Variants in DPP10 observed in about 807,000 individuals in gnomAD.
The protein encoded by DPP10 is inactive dipeptidyl peptidase 10.
In DPP10, 33 loss-of-function variants were observed where a neutral mutation model predicts 120.9. That is an observed-to-expected ratio of 0.27 (90% CI 0.21 to 0.37). The LOEUF is 0.37. Among genes scored for constraint, DPP10 ranks in the 10% least tolerant of loss-of-function variants. The probability of loss-of-function intolerance (pLI) is 1.00; values close to 1 mark genes in which losing one functional copy is unlikely to be tolerated. For synonymous variants in DPP10, 337 were observed against 326.1 expected (o/e 1.03, Z -0.36); for missense variants, 816 against 942.8 (o/e 0.87, Z 1.76).
chr2:115,204,518 G>A lies in DPP10; in HGVS notation c.61-104721G>A, dbSNP rs537683021. Among the ~76,000 whole-genome samples, 7 of 152,222 alleles carry A rather than the reference G, an allele frequency of 4.6e-5. No individual in the cohort carries two copies. The East Asian group carries it at 1.2e-3, about 25-fold the overall frequency. Reference sequence around the variant, plus strand: ...TGCCAGCACTTTACAAAACATTTTAGTCACAACTCTAATAGCAAAACAACC... The same window carrying A: ...TGCCAGCACTTTACAAAACATTTTAATCACAACTCTAATAGCAAAACAACC... On this transcript the variant is annotated intron_variant, in intron 1 of 25. Coordinates refer to ENST00000410059, the MANE Select transcript of DPP10 (RefSeq NM_020868.6).
Position 114,766,503 on chromosome 2 carries a change from A to AT in DPP10, c.60+323674dup, listed in dbSNP as rs1223275919. Among the ~76,000 whole-genome samples the AT allele has an allele frequency of 6.0e-4, 91 of 151,168 alleles. 1 individual carries two copies. Among genetic ancestry groups the AT allele is most frequent in the Admixed American group, 1.5e-3 (23 of 15,138 alleles). The stretch of plus-strand genomic sequence containing the variant: ...AAACCTGCCTCCTAACATTTATAGC[A>AT]TTTTTTTTTACTGGAAACAACCCAA... On this transcript the variant is annotated intron_variant, in intron 1 of 25. Transcript: ENST00000410059.
At chr2:115,189,840 C>G (rs1030748179) in intron 1 of DPP10, among the ~76,000 whole-genome samples, 4 of 152,076 alleles carry the variant, frequency 2.6e-5, no homozygotes, top group African/African-American at 7.2e-5. Context: ...AAGTAAGCAT[C>G]GAGGCTATGA....
intron 1 of DPP10, among the ~76,000 whole-genome samples, chr2:115,291,044 C>A (rs1486141092): frequency 6.6e-6 from 1 of 152,044 alleles, no homozygotes; most frequent in Non-Finnish European, 1.5e-5. Context: ...CGCTCTGTTG[C>A]CCAGGCTGGA....
Position 115,830,797 on chromosome 2 carries a change from T to TA in DPP10, c.1951-5358dup, listed in dbSNP as rs558763485. Among the ~76,000 whole-genome samples the TA allele has an allele frequency of 1.5e-3, 223 of 152,246 alleles. 1 individual carries two copies. Among genetic ancestry groups the TA allele is most frequent in the Middle Eastern group, 3.4e-3 (1 of 294 alleles). On this transcript the variant is annotated intron_variant, in intron 21 of 25. Transcript: ENST00000410059. ...ACTAAGAGAAGGCAATGTAAGGAGA[T>TA]AAGAACTATGGATATCTGGGGAAAA...
At chr2:115,638,289 A>G (rs1157449542) in intron 5 of DPP10, among the ~76,000 whole-genome samples, 1 of 152,162 alleles carries the variant, frequency 6.6e-6, no homozygotes, top group South Asian at 2.1e-4. Flanking sequence ...GGGTGATTTT[A>G]ATTCTCTAGT....
chr2:115,305,942 A>C (rs1325091514), intron 1 of DPP10, among the ~76,000 whole-genome samples: 1 of 152,070 alleles, frequency 6.6e-6, no homozygotes, highest in African/African-American at 2.4e-5. Context: ...GAGAAAGAGT[A>C]CAAGTATATT....
chr2:115,717,534 T>C (rs1302783501), intron 7 of DPP10, among the ~76,000 whole-genome samples: 2 of 152,182 alleles, frequency 1.3e-5, no homozygotes, highest in Non-Finnish European at 2.9e-5. Flanking sequence ...CTGTAAAGGA[T>C]AATTTTAACC....
chr2:114,931,133 C>T (rs556799987), intron 1 of DPP10, among the ~76,000 whole-genome samples: 1 of 152,286 alleles, frequency 6.6e-6, no homozygotes, highest in East Asian at 1.9e-4. Flanking sequence ...TCAACCCGTT[C>T]CAAAACCACT....
At chr2:114,550,907 C>A (rs767153326) in intron 1 of DPP10, among the ~76,000 whole-genome samples, 1 of 152,148 alleles carries the variant, frequency 6.6e-6, no homozygotes, top group Non-Finnish European at 1.5e-5. Flanking sequence ...TCAGATCAGA[C>A]GAGTTACTTA....
chr2:115,479,434 G>A (rs1223465180), intron 3 of DPP10, among the ~76,000 whole-genome samples: 2 of 152,078 alleles, frequency 1.3e-5, no homozygotes, highest in Middle Eastern at 3.2e-3. Context: ...ACTGTTTAAT[G>A]CGTACAGATT....
intron 1 of DPP10, among the ~76,000 whole-genome samples, chr2:115,091,052 G>A (rs185585380): frequency 1.3e-5 from 2 of 152,246 alleles, no homozygotes; most frequent in East Asian, 1.9e-4. Flanking sequence ...TCAGTTTTCA[G>A]GGTGGGATTG....
intron 1 of DPP10, among the ~76,000 whole-genome samples, chr2:115,154,037 A>C (rs2051737146): frequency 6.6e-6 from 1 of 152,238 alleles, no homozygotes. Context: ...GATGTAAAGC[A>C]AAAATAACTA....
intron 3 of DPP10, among the ~76,000 whole-genome samples, chr2:115,448,264 C>G (rs1019405116): frequency 6.6e-6 from 1 of 151,996 alleles, no homozygotes; most frequent in Non-Finnish European, 1.5e-5. Context: ...AAAGAAGCAG[C>G]TAAAAAGAAT....
intron 1 of DPP10, among the ~76,000 whole-genome samples, chr2:114,614,070 G>T (rs1311901909): frequency 3.3e-5 from 5 of 152,008 alleles, no homozygotes; most frequent in Admixed American, 2.6e-4. Context: ...AACCACCATG[G>T]TACATGTGTA....
At chr2:114,611,652 CAT>C (rs1693297760) in intron 1 of DPP10, among the ~76,000 whole-genome samples, 1 of 152,184 alleles carries the variant, frequency 6.6e-6, no homozygotes, top group Non-Finnish European at 1.5e-5. Context: ...TTCTATATTT[CAT>C]GTTTCACTCT....
chr2:114,497,297 G>A (rs1226061830), intron 1 of DPP10, among the ~76,000 whole-genome samples: 6 of 47,584 alleles, frequency 1.3e-4, no homozygotes, highest in East Asian at 2.9e-4. Flanking sequence ...ACATGTACAT[G>A]TATACGTGTA....
At chr2:115,547,115 A>C (rs1647077336) in intron 5 of DPP10, among the ~76,000 whole-genome samples, 1 of 152,058 alleles carries the variant, frequency 6.6e-6, no homozygotes, top group East Asian at 1.9e-4. Context: ...CCTAGTATCC[A>C]TTTCCATCCC....
chr2:115,024,600 G>A (rs1026422797), intron 1 of DPP10, among the ~76,000 whole-genome samples: 2 of 150,854 alleles, frequency 1.3e-5, no homozygotes, highest in African/African-American at 4.9e-5. Context: ...AAATTAGGGT[G>A]TTTGGGATAT....
intron 1 of DPP10, among the ~76,000 whole-genome samples, chr2:114,795,597 C>T (rs572934340): frequency 6.6e-6 from 1 of 152,168 alleles, no homozygotes; most frequent in Non-Finnish European, 1.5e-5. Flanking sequence ...ACAGTTGACC[C>T]TTGAACAACA....
Sources: allele counts gnomAD v4.1 joint callset (sites outside exome capture counted in the v4.1 genomes callset), GRCh38; gene constraint gnomAD v4.1.1; transcripts MANE v1.5; gene names NCBI Gene and HGNC (gene_info 2026-07-23, HGNC 2026-07-21).